The following EML2 variants were observed in gnomAD, a reference collection of about 807,000 sequenced individuals.
EML2 encodes echinoderm microtubule-associated protein-like 2.
EML2 carries 59 observed loss-of-function variants against 84.7 expected under a neutral mutation model. That is an observed-to-expected ratio of 0.70 (90% CI 0.56 to 0.86). EML2 has a LOEUF of 0.86. EML2 is among the 40% of genes least tolerant of loss of function. The probability of loss-of-function intolerance (pLI) is 0.00; values close to 1 mark genes in which losing one functional copy is unlikely to be tolerated. For missense variants in EML2, 818 were observed against 855.6 expected (o/e 0.96, Z 0.55); for synonymous variants, 352 against 348.9 (o/e 1.01, Z -0.10).
Position 45,621,478 on chromosome 19 carries a change from C to A in EML2, c.996+5G>T, listed in dbSNP as rs1163869208. On this transcript the variant is annotated splice_donor_5th_base_variant and intron_variant, in intron 10 of 18. Transcript: ENST00000245925. ...CCCCCATCTGAGCCCACTGCCCCTCCTCACCTCCACTTCCTGCAGCTTGCT... is the reference window on the plus strand; with the variant it reads ...CCCCCATCTGAGCCCACTGCCCCTCATCACCTCCACTTCCTGCAGCTTGCT... 6.2e-7 allele frequency: 1 copy of A among 1,608,730 alleles called. No individual in the cohort carries two copies. The highest frequency in any genetic ancestry group is 8.5e-7 in the Non-Finnish European group (1 of 1,178,732).
At chr19:45,614,771 C>A (rs1970841096) in intron 16 of EML2, 71 bp from the exon 17 acceptor site, 1 of 1,301,372 alleles carries the variant, frequency 7.7e-7, no homozygotes, top group African/African-American at 1.5e-5. Context: ...CTTTCTTAGA[C>A]AATCGGAGCT....
intron 7 of EML2, among the ~76,000 whole-genome samples, chr19:45,629,416 C>A (rs964692062): frequency 3.9e-5 from 6 of 152,068 alleles, no homozygotes; most frequent in Non-Finnish European, 8.8e-5. Context: ...ACCTCCGCCT[C>A]CGGGTTCAAG....
At position 45,623,046 on chromosome 19, in the gene EML2, C is replaced by CA. The variant is rs1174275152; in HGVS notation, c.842-1410dup. Among the ~76,000 whole-genome samples, 563 of 106,560 alleles carry CA rather than the reference C, an allele frequency of 5.3e-3. 1 individual carries two copies. Among genetic ancestry groups the CA allele is most frequent in the African/African-American group, 0.015 (434 of 28,498 alleles). The allele number at this position is 106,560 out of a possible 152,430, so 69.9% of individuals were successfully genotyped here. On this transcript the variant is annotated intron_variant, in intron 9 of 18. Transcript: ENST00000245925. ...TGGGCGACAGAGCGAGACTCCGTCTCAAAAAAAAAAAAAAGAGAGAGAGCG... is the reference window on the plus strand; with the variant it reads ...TGGGCGACAGAGCGAGACTCCGTCTCAAAAAAAAAAAAAAAGAGAGAGAGCG...
chr19:45,613,748 A>C, intron 17 of EML2, 77 bp from the exon 18 acceptor site: 1 of 1,557,432 alleles, frequency 6.4e-7, no homozygotes. Context: ...TTGCCACTCC[A>C]GCCACCTTAA....
intron 4 of EML2, 131 bp from the exon 5 acceptor site, chr19:45,633,270 A>C: frequency 1.1e-6 from 1 of 893,118 alleles, no homozygotes; most frequent in East Asian, 2.7e-5. Context: ...CATTAATAGC[A>C]GTGAGCGGAT....
At chr19:45,627,169 G>A (rs990016312) in intron 7 of EML2, among the ~76,000 whole-genome samples, 6 of 151,590 alleles carry the variant, frequency 4.0e-5, no homozygotes, top group African/African-American at 7.3e-5. Context: ...CATGTTTCCC[G>A]GCTGGTCTCG....
At chr19:45,635,976 G>T (rs1006166486) in intron 3 of EML2, among the ~76,000 whole-genome samples, 11 of 152,100 alleles carry the variant, frequency 7.2e-5, no homozygotes, top group African/African-American at 2.7e-4. Context: ...TAGATCTCAA[G>T]ATGAGATCAT....
intron 3 of EML2, among the ~76,000 whole-genome samples, chr19:45,636,811 G>T (rs898442648): frequency 2.0e-5 from 3 of 152,222 alleles, no homozygotes; most frequent in Non-Finnish European, 4.4e-5. Flanking sequence ...AATTAGCCAG[G>T]CATGGTGGCC....
At chr19:45,642,091 C>A (rs1463936470), upstream of EML2, 2 of 1,457,980 alleles carry the variant, frequency 1.4e-6, no homozygotes, top group East Asian at 5.0e-5. Flanking sequence ...AAGGACCAGG[C>A]CCCGGTCCTC....
At chr19:45,626,524 C>T (rs1028471667) in intron 8 of EML2, among the ~76,000 whole-genome samples, 181 bp downstream of exon 8, 2 of 151,604 alleles carry the variant, frequency 1.3e-5, no homozygotes, top group Non-Finnish European at 2.9e-5. Flanking sequence ...CCTCTTAACT[C>T]CAGAGTTAAG....
At chr19:45,644,945 G>A (rs576224238), upstream of EML2, 1 of 454,334 alleles carries the variant, frequency 2.2e-6, no homozygotes, top group African/African-American at 2.0e-5. Context: ...CCAGAAGCTT[G>A]AGGGGAGAGA....
upstream of EML2, chr19:45,645,366 CCCCGGTCCCAGCCCGGG>C (rs1205020984): frequency 4.6e-6 from 7 of 1,527,210 alleles, no homozygotes; most frequent in Admixed American, 6.0e-5. Flanking sequence ...CCGCCGGCCC[CCCCGGTCCCAGCCCGGG>C]CCCGGTCCCC....
intron 12 of EML2, 135 bp from the exon 13 acceptor site, chr19:45,617,832 C>T (rs1428132118): frequency 1.6e-6 from 1 of 631,388 alleles, no homozygotes; most frequent in Admixed American, 3.1e-5. Flanking sequence ...GGGACACCCC[C>T]ACCCCAGACA....
chr19:45,633,649 G>C (rs1973348354), intron 4 of EML2, among the ~76,000 whole-genome samples: 1 of 152,116 alleles, frequency 6.6e-6, no homozygotes, highest in Admixed American at 6.6e-5. Flanking sequence ...TGAGGCAGGA[G>C]AATCGCTTGA....
chr19:45,627,613 T>C (rs1972526401), intron 7 of EML2, among the ~76,000 whole-genome samples: 1 of 151,762 alleles, frequency 6.6e-6, no homozygotes, highest in Non-Finnish European at 1.5e-5. Flanking sequence ...AGCGAAGCAT[T>C]ATCATCTTCT....
chr19:45,643,500 A>G, upstream of EML2: 2 of 1,512,144 alleles, frequency 1.3e-6, no homozygotes, highest in Non-Finnish European at 1.8e-6. Flanking sequence ...CGCCCCCCCA[A>G]CCCCGCTCAT....
At chr19:45,636,795 C>A (rs184514227) in intron 3 of EML2, among the ~76,000 whole-genome samples, 7 of 152,188 alleles carry the variant, frequency 4.6e-5, no homozygotes, top group African/African-American at 9.6e-5. Flanking sequence ...AAAAAACACA[C>A]AAAAAAATTA....
intron 18 of EML2, 52 bp from the exon 19 acceptor site, chr19:45,609,840 C>T (rs764596009): frequency 6.3e-7 from 1 of 1,593,654 alleles, no homozygotes; most frequent in African/African-American, 1.4e-5. Context: ...ACAATGCCAC[C>T]CCATCATGGT....
chr19:45,638,424 ACAGGCCTGAG>A (rs1241159601), intron 3 of EML2, 71 bp downstream of exon 3: 9 of 1,594,866 alleles, frequency 5.6e-6, no homozygotes, highest in Non-Finnish European at 7.7e-6. Flanking sequence ...TGCTGAGATT[ACAGGCCTGAG>A]CTGCCTTGAC....
Sources: allele counts gnomAD v4.1 joint callset (sites outside exome capture counted in the v4.1 genomes callset), GRCh38; gene constraint gnomAD v4.1.1; transcripts MANE v1.5; gene names NCBI Gene and HGNC (gene_info 2026-07-23, HGNC 2026-07-21).